Variants in KCNMA1 observed in about 807,000 individuals in gnomAD.
KCNMA1 encodes the protein potassium calcium-activated channel subfamily M alpha 1, also known as Calcium-activated potassium channel subunit alpha-1.
KCNMA1 carries 29 observed loss-of-function variants against 140.0 expected under a neutral mutation model. The ratio of observed to expected loss-of-function variants is 0.21; its 90% CI spans 0.15 to 0.28. The LOEUF (loss-of-function observed/expected upper bound fraction) is 0.28, where lower values mean the gene tolerates loss of function less well. KCNMA1 is among the 10% of genes least tolerant of loss of function. KCNMA1 has a pLI of 1.00. For missense variants in KCNMA1, 880 were observed against 1,602.2 expected (o/e 0.55, Z 7.70); for synonymous variants, 612 against 611.9 (o/e 1.00, Z 0.00).
intron 3 of KCNMA1, among the ~76,000 whole-genome samples, chr10:77,233,246 T>C (rs925799701): frequency 6.6e-6 from 1 of 152,214 alleles, no homozygotes; most frequent in African/African-American, 2.4e-5. Flanking sequence ...CCAGAATGAC[T>C]GTTTAAAAGT....
intron 23 of KCNMA1, among the ~76,000 whole-genome samples, chr10:76,941,878 G>T (rs1242595645): frequency 2.6e-5 from 4 of 152,214 alleles, no homozygotes; most frequent in African/African-American, 7.2e-5. Context: ...GGCATGTTCA[G>T]TCTCTGGTGA....
At position 77,566,909 on chromosome 10, in the gene KCNMA1, T is replaced by C. The variant is rs374014576; in HGVS notation, c.378+70356A>G. ...AAAGAAGGAAAAGGTGGGAAGGAAA[T>C]GAAAAGAGGAAAAGAGAGAGAGGGG... On this transcript the variant is annotated intron_variant, in intron 1 of 27. Coordinates refer to ENST00000286628, the MANE Select transcript of KCNMA1 (RefSeq NM_001161352.2). Among the ~76,000 whole-genome samples the C allele has an allele frequency of 4.1e-4, 61 of 149,416 alleles. 1 individual carries two copies. In the South Asian group the frequency reaches 0.013, roughly 31 times the overall value.
At chr10:77,636,089 T>C (rs2093693784) in intron 1 of KCNMA1, 2 of 592,656 alleles carry the variant, frequency 3.4e-6, no homozygotes. Context: ...GGCTGCAATG[T>C]GTATCTACCC....
At chr10:77,451,562 C>T (rs1034912060) in intron 1 of KCNMA1, among the ~76,000 whole-genome samples, 2 of 152,156 alleles carry the variant, frequency 1.3e-5, no homozygotes, top group African/African-American at 4.8e-5. Flanking sequence ...AGGACGAAAG[C>T]TCGCTTCCAG....
At chr10:77,375,312 A>G (rs1340703420) in intron 2 of KCNMA1, among the ~76,000 whole-genome samples, 1 of 152,206 alleles carries the variant, frequency 6.6e-6, no homozygotes, top group Non-Finnish European at 1.5e-5. Flanking sequence ...CACTGCCTTC[A>G]GAGTCCGACC....
chr10:77,500,497 A>T (rs1425441126), intron 1 of KCNMA1, among the ~76,000 whole-genome samples: 1 of 152,200 alleles, frequency 6.6e-6, no homozygotes, highest in Non-Finnish European at 1.5e-5. Context: ...AACTGTAAAA[A>T]GCAAGCTAAG....
intron 2 of KCNMA1, among the ~76,000 whole-genome samples, chr10:77,275,225 C>T (rs1360830790): frequency 6.6e-6 from 1 of 152,176 alleles, no homozygotes; most frequent in African/African-American, 2.4e-5. Flanking sequence ...CCCTGAGCTT[C>T]AGGATACTCT....
intron 9 of KCNMA1, among the ~76,000 whole-genome samples, chr10:77,103,597 G>T (rs1265197418): frequency 6.6e-6 from 1 of 152,172 alleles, no homozygotes; most frequent in Admixed American, 6.5e-5. Flanking sequence ...TACCTTTAAA[G>T]GATGGAGCCA....
intron 1 of KCNMA1, among the ~76,000 whole-genome samples, chr10:77,612,872 G>GGAAGAC (rs2087528773): frequency 6.6e-6 from 1 of 152,106 alleles, no homozygotes; most frequent in African/African-American, 2.4e-5. Flanking sequence ...ATTTGCTTAT[G>GGAAGAC]GAAGACAAAG....
chr10:76,897,060 G>A (rs1333604701), intron 25 of KCNMA1, among the ~76,000 whole-genome samples: 4 of 142,100 alleles, frequency 2.8e-5, no homozygotes, highest in East Asian at 3.9e-4. Context: ...TTAGTGATAC[G>A]GAAGTAAAAC....
chr10:77,609,056 A>G (rs2085692795), intron 1 of KCNMA1, among the ~76,000 whole-genome samples: 1 of 152,228 alleles, frequency 6.6e-6, no homozygotes, highest in Non-Finnish European at 1.5e-5. Flanking sequence ...AAAAATCAAA[A>G]ATAGAACTAC....
intron 3 of KCNMA1, among the ~76,000 whole-genome samples, chr10:77,243,865 AG>A (rs555403485): frequency 7.6e-4 from 116 of 152,252 alleles, no homozygotes; most frequent in Non-Finnish European, 1.5e-3. Context: ...AGGGAGAGAG[AG>A]AGATTAGTAG....
chr10:77,001,058 A>T (rs556724680), intron 19 of KCNMA1, among the ~76,000 whole-genome samples: 1 of 151,886 alleles, frequency 6.6e-6, no homozygotes, highest in East Asian at 1.9e-4. Context: ...AAAAATATTA[A>T]CATGTACACT....
intron 1 of KCNMA1, among the ~76,000 whole-genome samples, chr10:77,487,487 A>T (rs760025347): frequency 2.0e-5 from 3 of 152,194 alleles, no homozygotes; most frequent in Non-Finnish European, 1.5e-5. Context: ...AGACACTATC[A>T]CACTTGCCCT....
downstream of KCNMA1, chr10:76,872,687 C>T (rs1198452270): frequency 1.3e-5 from 2 of 152,272 alleles, no homozygotes; most frequent in South Asian, 2.1e-4. Context: ...CCCTCATATT[C>T]CACATCTTTC....
chr10:77,608,031 G>T (rs1381974276), intron 1 of KCNMA1, among the ~76,000 whole-genome samples: 2 of 152,068 alleles, frequency 1.3e-5, no homozygotes, highest in African/African-American at 2.4e-5. Flanking sequence ...GGACTATGCT[G>T]CTTTCTGCCT....
At chr10:77,475,500 T>G (rs1460291800) in intron 1 of KCNMA1, among the ~76,000 whole-genome samples, 1 of 152,226 alleles carries the variant, frequency 6.6e-6, no homozygotes, top group Non-Finnish European at 1.5e-5. Flanking sequence ...CTTAGTGGTC[T>G]GCATTTTACA....
chr10:76,957,077 G>A (rs1224696764), intron 20 of KCNMA1, among the ~76,000 whole-genome samples: 15 of 134,770 alleles, frequency 1.1e-4, no homozygotes, highest in African/African-American at 3.4e-4. Context: ...GCAGTGAGCC[G>A]AGATCACGCC....
chr10:77,282,262 C>T (rs141993397), intron 2 of KCNMA1, among the ~76,000 whole-genome samples: 2 of 152,290 alleles, frequency 1.3e-5, no homozygotes, highest in African/African-American at 4.8e-5. Context: ...TGACCTCTGG[C>T]ATCAGGCTTC....
Sources: allele counts gnomAD v4.1 joint callset (sites outside exome capture counted in the v4.1 genomes callset), GRCh38; gene constraint gnomAD v4.1.1; transcripts MANE v1.5; gene names NCBI Gene and HGNC (gene_info 2026-07-23, HGNC 2026-07-21).